Variants in BBX observed in about 807,000 individuals in gnomAD.
BBX encodes the protein BBX high mobility group box domain containing.
A neutral mutation model predicts 100.2 loss-of-function variants in BBX; 30 were observed. The ratio of observed to expected loss-of-function variants is 0.30; its 90% CI spans 0.22 to 0.41. The LOEUF (loss-of-function observed/expected upper bound fraction) is 0.41, where lower values mean the gene tolerates loss of function less well. Ranked by LOEUF, BBX falls within the 10% of genes least tolerant of loss-of-function variation. The probability of loss-of-function intolerance (pLI) is 1.00; values close to 1 mark genes in which losing one functional copy is unlikely to be tolerated. For synonymous variants in BBX, 376 were observed against 388.1 expected (o/e 0.97, Z 0.37); for missense variants, 1,023 against 1,129.8 (o/e 0.91, Z 1.35).
rs1205031787 is a variant in BBX, at chr3:107,779,006, TATATATATATATATACACACAC to T, written c.2203+489_2203+510del. On this transcript the variant is annotated intron_variant, in intron 13 of 17. Coordinates refer to ENST00000325805, the MANE Select transcript of BBX (RefSeq NM_001142568.3). ...AATCCTCCAGCAACATATATATATA[TATATATATATATATACACACAC>T]ACACACACATATACATTGGTTTTGT... Among the ~76,000 whole-genome samples, 20 of 71,290 alleles carry T rather than the reference TATATATATATATATACACACAC, an allele frequency of 2.8e-4. 2 individuals carry two copies. The highest frequency in any genetic ancestry group is 3.0e-4 in the African/African-American group (7 of 23,340). 46.8% of individuals were successfully genotyped at this position (71,290 alleles called of 152,430 possible).
chr3:107,524,228 A>C (rs903287145), intron 1 of BBX: 2 of 152,270 alleles, frequency 1.3e-5, no homozygotes, highest in African/African-American at 4.8e-5. Flanking sequence ...GCGATGACAG[A>C]AAACTTGCAG....
chr3:107,576,773 T>G (rs2051811054), intron 2 of BBX, among the ~76,000 whole-genome samples: 1 of 152,202 alleles, frequency 6.6e-6, no homozygotes, highest in Admixed American at 6.5e-5. Flanking sequence ...GCTTATATCT[T>G]TGGTTACAAG....
At chr3:107,772,543 A>T in intron 10 of BBX, 85 bp from the exon 11 acceptor site, 1 of 1,342,548 alleles carries the variant, frequency 7.4e-7, no homozygotes, top group Non-Finnish European at 1.0e-6. Context: ...TATTTTTAAA[A>T]CAGATATAAT....
chr3:107,562,028 C>A (rs2050536312), intron 2 of BBX, among the ~76,000 whole-genome samples: 2 of 152,146 alleles, frequency 1.3e-5, no homozygotes, highest in Admixed American at 6.5e-5. Flanking sequence ...CCATGGATTT[C>A]ATTTAATCCG....
At chr3:107,689,512 C>T (rs1438166654) in intron 3 of BBX, among the ~76,000 whole-genome samples, 3 of 152,182 alleles carry the variant, frequency 2.0e-5, no homozygotes, top group East Asian at 3.8e-4. Context: ...ATGCAGCACT[C>T]ACGGGCTGTC....
intron 13 of BBX, among the ~76,000 whole-genome samples, chr3:107,784,981 A>G (rs1469214690): frequency 6.6e-6 from 1 of 151,848 alleles, no homozygotes; most frequent in Non-Finnish European, 1.5e-5. Flanking sequence ...AATAGAAGAC[A>G]TTACTACTGG....
intron 2 of BBX, among the ~76,000 whole-genome samples, chr3:107,595,372 T>C (rs2053605545): frequency 6.6e-6 from 1 of 152,228 alleles, no homozygotes; most frequent in Non-Finnish European, 1.5e-5. Flanking sequence ...CCCTCTGATG[T>C]TATTTGAATT....
chr3:107,787,641 T>C (rs1435922486), intron 13 of BBX, among the ~76,000 whole-genome samples: 1 of 152,202 alleles, frequency 6.6e-6, no homozygotes, highest in Admixed American at 6.6e-5. Flanking sequence ...ATGTTAATTA[T>C]ATTTCAACAA....
At chr3:107,589,374 A>G (rs939667651) in intron 2 of BBX, among the ~76,000 whole-genome samples, 1 of 152,210 alleles carries the variant, frequency 6.6e-6, no homozygotes, top group African/African-American at 2.4e-5. Context: ...GTTGAAGTCA[A>G]AGCAGTTTAA....
intron 2 of BBX, among the ~76,000 whole-genome samples, chr3:107,590,546 G>A (rs2053229746): frequency 6.6e-6 from 1 of 152,144 alleles, no homozygotes; most frequent in African/African-American, 2.4e-5. Context: ...GGTATCTACT[G>A]TTCTACTCTC....
At chr3:107,587,602 G>A (rs373930202) in intron 2 of BBX, among the ~76,000 whole-genome samples, 6 of 152,170 alleles carry the variant, frequency 3.9e-5, no homozygotes, top group African/African-American at 1.4e-4. Flanking sequence ...AGCCAGGCAG[G>A]AAGCATGAAT....
chr3:107,572,612 C>A (rs929291328), intron 2 of BBX, among the ~76,000 whole-genome samples: 5 of 152,180 alleles, frequency 3.3e-5, no homozygotes, highest in Admixed American at 3.3e-4. Flanking sequence ...ATGGTATAAT[C>A]ATTTCAGTAT....
rs16853704 is a variant in BBX at position 107,632,768 on chromosome 3, T to A, written c.-83-13068T>A. Reference sequence around the variant, plus strand: ...CAATTCTGGGGTGCATTCTCTACCCTGCAAGGTCAGCTAAAAATATGCTGA... The same window carrying A: ...CAATTCTGGGGTGCATTCTCTACCCAGCAAGGTCAGCTAAAAATATGCTGA... On this transcript the variant is annotated intron_variant, in intron 2 of 17. Transcript: ENST00000325805. Among the ~76,000 whole-genome samples, 1,308 of 152,328 alleles carry A rather than the reference T, an allele frequency of 8.6e-3. 25 individuals carry two copies. The highest frequency in any genetic ancestry group is 0.03 in the African/African-American group (1,247 of 41,574).
At chr3:107,694,780 C>T (rs184292093) in intron 3 of BBX, among the ~76,000 whole-genome samples, 1 of 151,846 alleles carries the variant, frequency 6.6e-6, no homozygotes, top group African/African-American at 2.4e-5. Context: ...GTACCAATTC[C>T]TCCTTGTACC....
At chr3:107,674,637 C>A (rs146327173) in intron 3 of BBX, among the ~76,000 whole-genome samples, 1 of 152,188 alleles carries the variant, frequency 6.6e-6, no homozygotes, top group Admixed American at 6.5e-5. Context: ...TGTGTACTTG[C>A]ATGTTTGAAA....
At chr3:107,743,374 T>A (rs2064275455) in intron 7 of BBX, among the ~76,000 whole-genome samples, 1 of 152,336 alleles carries the variant, frequency 6.6e-6, no homozygotes, top group East Asian at 1.9e-4. Flanking sequence ...GCCTTTTTAA[T>A]TCATTTTGTG....
intron 2 of BBX, among the ~76,000 whole-genome samples, chr3:107,553,070 T>C (rs1442621449): frequency 6.6e-6 from 1 of 152,200 alleles, no homozygotes; most frequent in East Asian, 1.9e-4. Flanking sequence ...ATCTGCTAAA[T>C]TTGCTGAGTT....
In BBX at chr3:107,807,750, A is replaced by C. The variant is rs1047233306; in HGVS notation, c.*2293A>C. On this transcript the variant is annotated 3_prime_UTR_variant, in exon 18 of 18. Transcript: ENST00000325805. Reference sequence around the variant, plus strand: ...CAAAACAAAAGATTACTTTTTTTCTATGTGATTAATATCTTACTTGATCTG... The same window carrying C: ...CAAAACAAAAGATTACTTTTTTTCTCTGTGATTAATATCTTACTTGATCTG... The C allele has an allele frequency of 2.0e-5, 3 of 149,244 alleles. No homozygotes were observed. The highest frequency in any genetic ancestry group is 3.0e-5 in the Non-Finnish European group (2 of 67,436). The allele number at this position is 149,244 out of a possible 1,614,324, so 9.2% of individuals were successfully genotyped here.
rs185684989 is a variant in BBX, at chr3:107,703,792, T to C, written c.-9-6660T>C. On this transcript the variant is annotated intron_variant, in intron 3 of 17. Transcript: ENST00000325805. ...TTAGAATTACAAGAAATAATAATGA[T>C]TAGCACTTGTAGGGCTTTTATCTTC... 9.8e-4 allele frequency among the ~76,000 whole-genome samples: 150 copies of C among 152,368 alleles called. 1 individual carries two copies. The highest frequency in any genetic ancestry group is 3.4e-3 in the African/African-American group (143 of 41,590).
Sources: allele counts gnomAD v4.1 joint callset (sites outside exome capture counted in the v4.1 genomes callset), GRCh38; gene constraint gnomAD v4.1.1; transcripts MANE v1.5; gene names NCBI Gene and HGNC (gene_info 2026-07-23, HGNC 2026-07-21).